The following NEDD4L variants were observed in gnomAD, a reference collection of about 807,000 sequenced individuals.
NEDD4L encodes NEDD4 like E3 ubiquitin protein ligase.
A neutral mutation model predicts 148.9 loss-of-function variants in NEDD4L; 54 were observed. The observed-to-expected ratio is 0.36, with a 90% CI of 0.29 to 0.45. NEDD4L has a LOEUF of 0.45. Ranked by LOEUF, NEDD4L falls within the 20% of genes least tolerant of loss-of-function variation. The pLI is 1.00. For missense variants in NEDD4L, 856 were observed against 1,233.8 expected (o/e 0.69, Z 4.59); for synonymous variants, 433 against 440.7 (o/e 0.98, Z 0.22).
chr18:58,144,407 C>T (rs1169269954), intron 1 of NEDD4L, among the ~76,000 whole-genome samples: 1 of 152,016 alleles, frequency 6.6e-6, no homozygotes, highest in Non-Finnish European at 1.5e-5. Flanking sequence ...CATGAGAACT[C>T]ACCATTGCCA....
chr18:58,221,796 T>C (rs1426693442), intron 2 of NEDD4L: 1 of 818,156 alleles, frequency 1.2e-6, no homozygotes, highest in Non-Finnish European at 1.5e-6. Context: ...GCTATATGAA[T>C]GCATAACATC....
chr18:58,289,985 A>G (rs2149095579), intron 5 of NEDD4L, among the ~76,000 whole-genome samples: 1 of 152,354 alleles, frequency 6.6e-6, no homozygotes, highest in South Asian at 2.1e-4. Flanking sequence ...TCATGTCCCC[A>G]TGTAGCCATG....
At chr18:58,337,979 A>G (rs910580232) in intron 13 of NEDD4L, among the ~76,000 whole-genome samples, 3 of 152,322 alleles carry the variant, frequency 2.0e-5, no homozygotes, top group African/African-American at 7.2e-5. Context: ...TCTTTGTTGT[A>G]TATATTCTAA....
chr18:58,213,990 C>T (rs550928899), intron 2 of NEDD4L, among the ~76,000 whole-genome samples: 37 of 152,214 alleles, frequency 2.4e-4, no homozygotes, highest in African/African-American at 7.0e-4. Flanking sequence ...ATGTAGGGCC[C>T]GGTGGGATGG....
intron 5 of NEDD4L, among the ~76,000 whole-genome samples, chr18:58,269,468 T>C (rs935676944): frequency 6.6e-6 from 1 of 152,080 alleles, no homozygotes; most frequent in Admixed American, 6.5e-5. Flanking sequence ...AACTTTATCC[T>C]AGTTTATTGA....
chr18:58,131,166 T>C lies in NEDD4L; in HGVS notation c.49-34622T>C, dbSNP rs71355681. ...TGGTTGTGATCTAGCGGAACTGTGG[T>C]AGTGTTGGCCTTTGTTGGGATTTGG... On this transcript the variant is annotated intron_variant, in intron 1 of 30. Coordinates refer to ENST00000400345, the MANE Select transcript of NEDD4L (RefSeq NM_001144967.3). Among the ~76,000 whole-genome samples, 246 of 141,030 alleles carry C rather than the reference T, an allele frequency of 1.7e-3. 2 individuals carry two copies. Among genetic ancestry groups the C allele is most frequent in the African/African-American group, 5.9e-3 (218 of 36,914 alleles). The allele number at this position is 141,030 out of a possible 152,430, so 92.5% of individuals were successfully genotyped here.
chr18:58,320,496 G>A (rs1042398791), intron 6 of NEDD4L, among the ~76,000 whole-genome samples: 2 of 152,158 alleles, frequency 1.3e-5, no homozygotes, highest in African/African-American at 4.8e-5. Flanking sequence ...TCCACATGTC[G>A]TTGACATAAT....
intron 2 of NEDD4L, among the ~76,000 whole-genome samples, chr18:58,207,169 G>A (rs899721498): frequency 3.9e-5 from 6 of 152,118 alleles, no homozygotes; most frequent in Admixed American, 1.3e-4. Context: ...TCCAGCCGGC[G>A]CCATTTTATA....
intron 5 of NEDD4L, among the ~76,000 whole-genome samples, chr18:58,263,677 T>C (rs1054800981): frequency 6.8e-4 from 98 of 145,108 alleles, no homozygotes; most frequent in African/African-American, 1.8e-3. Context: ...TTTTTTTTTT[T>C]TCTCTCTCTC....
chr18:58,184,657 G>T (rs1043387672), intron 2 of NEDD4L, among the ~76,000 whole-genome samples: 18 of 152,222 alleles, frequency 1.2e-4, no homozygotes, highest in Admixed American at 5.9e-4. Flanking sequence ...GTCTGGGCGT[G>T]GTGGCTCACG....
chr18:58,387,502 T>C lies in NEDD4L; in HGVS notation c.2547+4T>C, dbSNP rs752162518. 1.3e-6 allele frequency: 2 copies of C among 1,560,726 alleles called. No individual in the cohort carries two copies. Among genetic ancestry groups the C allele is most frequent in the Non-Finnish European group, 1.7e-6 (2 of 1,152,750 alleles). On this transcript the variant is annotated splice_donor_region_variant and intron_variant, in intron 27 of 30. Transcript: ENST00000400345. ...TTTTGATGAAAATGAGCTGGAGGTT[T>C]GTATTATAAACATTATTTTATGTAA...
intron 1 of NEDD4L, among the ~76,000 whole-genome samples, chr18:58,050,523 G>T (rs1293148046): frequency 6.6e-6 from 1 of 152,006 alleles, no homozygotes. Context: ...CACTTTGGGA[G>T]GCCGAGGCTG....
At chr18:58,234,077 C>CTTTCT (rs1393965177) in intron 2 of NEDD4L, among the ~76,000 whole-genome samples, 1 of 92,376 alleles carries the variant, frequency 1.1e-5, no homozygotes, top group Non-Finnish European at 2.1e-5. Context: ...TTCTTTCTTT[C>CTTTCT]TTTCTTTCTT....
At chr18:58,348,326 CTTTTTTT>C (rs771263533) in intron 16 of NEDD4L, among the ~76,000 whole-genome samples, 15 of 88,644 alleles carry the variant, frequency 1.7e-4, no homozygotes, top group East Asian at 6.2e-4. Flanking sequence ...TCTTTTTTTT[CTTTTTTT>C]TTTTTTTTTT....
At chr18:58,336,926 T>G (rs2041854546) in intron 13 of NEDD4L, among the ~76,000 whole-genome samples, 1 of 152,258 alleles carries the variant, frequency 6.6e-6, no homozygotes, top group Admixed American at 6.5e-5. Flanking sequence ...TTTTGTGAGA[T>G]AATTTTAGTT....
intron 28 of NEDD4L, among the ~76,000 whole-genome samples, chr18:58,389,754 A>C (rs1012800901): frequency 2.6e-5 from 4 of 151,940 alleles, no homozygotes; most frequent in African/African-American, 9.7e-5. Context: ...AAAAAAAAAA[A>C]ACAGTTATCC....
At chr18:58,143,463 C>T (rs966325284) in intron 1 of NEDD4L, among the ~76,000 whole-genome samples, 2 of 152,218 alleles carry the variant, frequency 1.3e-5, no homozygotes, top group Non-Finnish European at 2.9e-5. Context: ...GCATTTCTCC[C>T]TTATCTGCCG....
chr18:58,046,071 A>G (rs1354140021), intron 1 of NEDD4L: 1 of 151,962 alleles, frequency 6.6e-6, no homozygotes, highest in Non-Finnish European at 1.5e-5. Flanking sequence ...TAGGGTATGA[A>G]TTTTTTTCTT....
At chr18:58,300,152 G>A (rs2056272884) in intron 5 of NEDD4L, among the ~76,000 whole-genome samples, 1 of 152,152 alleles carries the variant, frequency 6.6e-6, no homozygotes, top group Non-Finnish European at 1.5e-5. Context: ...ATGCTCTTTT[G>A]TAACACAGGG....
Sources: allele counts gnomAD v4.1 joint callset (sites outside exome capture counted in the v4.1 genomes callset), GRCh38; gene constraint gnomAD v4.1.1; transcripts MANE v1.5; gene names NCBI Gene and HGNC (gene_info 2026-07-23, HGNC 2026-07-21).